The following ADGRB3 variants were observed in gnomAD, a reference collection of about 807,000 sequenced individuals.
ADGRB3 encodes brain-specific angiogenesis inhibitor 3.
ADGRB3 carries 37 observed loss-of-function variants against 193.4 expected under a neutral mutation model. The ratio of observed to expected loss-of-function variants is 0.19; its 90% CI spans 0.15 to 0.25. ADGRB3 has a LOEUF of 0.25. ADGRB3 is among the 10% of genes least tolerant of loss of function. The pLI, the probability that ADGRB3 is intolerant of heterozygous loss-of-function variation, is 1.00. For missense variants in ADGRB3, 1,637 were observed against 1,852.9 expected, an observed-to-expected ratio of 0.88 and a Z score of 2.14; for synonymous variants, 690 against 644.2, an observed-to-expected ratio of 1.07 and a Z score of -1.08.
intron 17 of ADGRB3, among the ~76,000 whole-genome samples, chr6:69,187,857 GGTCA>G (rs1561946442): frequency 1.3e-5 from 2 of 152,112 alleles, no homozygotes; most frequent in Non-Finnish European, 2.9e-5. Context: ...GGCATTGTCT[GGTCA>G]CCAAGTCCTG....
intron 10 of ADGRB3, among the ~76,000 whole-genome samples, chr6:68,988,095 C>G (rs981298222): frequency 3.9e-5 from 6 of 152,114 alleles, no homozygotes; most frequent in African/African-American, 1.4e-4. Context: ...TTCAATTCAG[C>G]AAGCCCTTTG....
intron 13 of ADGRB3, among the ~76,000 whole-genome samples, chr6:69,037,744 T>G (rs537005038): frequency 1.9e-4 from 29 of 152,228 alleles, no homozygotes; most frequent in African/African-American, 7.0e-4. Flanking sequence ...CCTCTAAAAG[T>G]GGGTCTTTCC....
intron 3 of ADGRB3, among the ~76,000 whole-genome samples, chr6:68,845,530 C>A (rs747849336): frequency 1.3e-5 from 2 of 152,120 alleles, no homozygotes; most frequent in African/African-American, 2.4e-5. Flanking sequence ...AGAATTCCCA[C>A]GTGTTGTGGG....
rs539398595 is a variant in ADGRB3, at chr6:68,816,168, C to A, written c.758-114391C>A. ...TAATTTCAAATTTAAAAATAAATTA[C>A]GTTTACTTTGAATAATTAATATAAG... is the stretch of plus-strand genomic sequence containing the variant. On this transcript the variant is annotated intron_variant, in intron 3 of 31. Transcript: ENST00000370598. Among the ~76,000 whole-genome samples the A allele has an allele frequency of 1.8e-4, 28 of 151,794 alleles. No homozygotes were observed. In the South Asian group the frequency reaches 2.5e-3, roughly 14 times the overall value.
intron 17 of ADGRB3, among the ~76,000 whole-genome samples, chr6:69,189,601 A>G (rs1301117389): frequency 6.6e-6 from 1 of 152,210 alleles, no homozygotes; most frequent in Non-Finnish European, 1.5e-5. Flanking sequence ...AATGCCATCT[A>G]GTTCAATATG....
intron 17 of ADGRB3, among the ~76,000 whole-genome samples, chr6:69,176,229 A>G (rs1317388816): frequency 6.6e-6 from 1 of 152,184 alleles, no homozygotes; most frequent in African/African-American, 2.4e-5. Context: ...CTCAAGAAGG[A>G]TGCTTCTACA....
At chr6:68,889,046 GTACT>G (rs1487983650) in intron 3 of ADGRB3, among the ~76,000 whole-genome samples, 1 of 152,174 alleles carries the variant, frequency 6.6e-6, no homozygotes, top group African/African-American at 2.4e-5. Context: ...ATGTTAGAAA[GTACT>G]TAAAGACAAA....
intron 3 of ADGRB3, among the ~76,000 whole-genome samples, chr6:68,851,251 CTCTT>C (rs1011308540): frequency 1.1e-4 from 16 of 151,930 alleles, no homozygotes; most frequent in African/African-American, 3.4e-4. Flanking sequence ...CTGTCTCTCT[CTCTT>C]TCTCTCTGTT....
rs1163789988 is a variant in ADGRB3, at chr6:68,661,520, CATATATATATGTGTATACATATAT to C, written c.757+22099_757+22122del. The stretch of plus-strand genomic sequence containing the variant: ...GTGTATACATATATATGTGTGTATA[CATATATATATGTGTATACATATAT>C]ATATATATATATATATATATATATA... On this transcript the variant is annotated intron_variant, in intron 3 of 31. Transcript: ENST00000370598. Among the ~76,000 whole-genome samples, 7 of 82,848 alleles carry C rather than the reference CATATATATATGTGTATACATATAT, an allele frequency of 8.4e-5. 1 individual carries two copies. Among genetic ancestry groups the C allele is most frequent in the East Asian group, 5.9e-4 (1 of 1,696 alleles). 54.4% of individuals were successfully genotyped at this position (82,848 alleles called of 152,430 possible). A position where few individuals can be genotyped will look rare whatever the true frequency, so the allele number is the denominator to read the frequency against.
chr6:69,282,190 A>G (rs560914904), intron 20 of ADGRB3, among the ~76,000 whole-genome samples: 2 of 152,268 alleles, frequency 1.3e-5, no homozygotes, highest in South Asian at 2.1e-4. Context: ...AATAAAATGA[A>G]TATCAGGATT....
intron 3 of ADGRB3, among the ~76,000 whole-genome samples, chr6:68,816,406 A>G (rs1037275823): frequency 6.6e-6 from 1 of 152,026 alleles, no homozygotes; most frequent in Non-Finnish European, 1.5e-5. Context: ...ATTTGTAATT[A>G]GCTCTACAGG....
At chr6:69,343,800 A>T (rs1769029645) in intron 26 of ADGRB3, among the ~76,000 whole-genome samples, 1 of 152,184 alleles carries the variant, frequency 6.6e-6, no homozygotes, top group Non-Finnish European at 1.5e-5. Context: ...CAGAACCTAA[A>T]TCTTAGAAGC....
At chr6:69,021,707 C>G (rs1028489855) in intron 13 of ADGRB3, among the ~76,000 whole-genome samples, 2 of 151,862 alleles carry the variant, frequency 1.3e-5, no homozygotes, top group Admixed American at 6.6e-5. Flanking sequence ...TTCCTAGAAT[C>G]TGATTAAAAT....
intron 20 of ADGRB3, among the ~76,000 whole-genome samples, chr6:69,244,602 GC>G: frequency 6.6e-6 from 1 of 152,146 alleles, no homozygotes. Flanking sequence ...GAAGCAGACT[GC>G]CCCCTGCCCC....
Position 68,975,868 on chromosome 6 carries a change from A to G in ADGRB3, c.1734+528A>G, listed in dbSNP as rs117927290. 5.4e-4 allele frequency among the ~76,000 whole-genome samples: 82 copies of G among 152,320 alleles called. 2 individuals carry two copies. In the East Asian group the frequency reaches 0.015, roughly 27 times the overall value. ...ACATGGGCCAAATTTTCCAAAAAAT[A>G]GCTCTTCTTTTCCCACATATCATTG... On this transcript the variant is annotated intron_variant, in intron 10 of 31. Transcript: ENST00000370598.
chr6:68,889,627 T>A (rs1766016651), intron 3 of ADGRB3, among the ~76,000 whole-genome samples: 1 of 151,916 alleles, frequency 6.6e-6, no homozygotes, highest in Non-Finnish European at 1.5e-5. Flanking sequence ...GTCAGCCTCC[T>A]GAGTACCTGG....
intron 3 of ADGRB3, among the ~76,000 whole-genome samples, chr6:68,756,321 T>G (rs1212681921): frequency 6.6e-6 from 1 of 152,182 alleles, no homozygotes; most frequent in Non-Finnish European, 1.5e-5. Flanking sequence ...CCCATGGGTA[T>G]GAGAGTTAAG....
intron 14 of ADGRB3, 109 bp from the exon 15 acceptor site, chr6:69,049,162 T>A (rs1771321851): frequency 1.3e-6 from 1 of 765,736 alleles, no homozygotes; most frequent in African/African-American, 1.8e-5. Context: ...CCAGGCTTTA[T>A]CTTTGCCTAA....
At position 69,256,371 on chromosome 6, in the gene ADGRB3, G is replaced by T. The variant is rs1461591973; in HGVS notation, c.2814+17145G>T. ...TCTTCCATTTGTTTGTATCCTCTTT[G>T]ATTTCCTTGAGCAGTGGTTTGTAGT... On this transcript the variant is annotated intron_variant, in intron 20 of 31. Transcript: ENST00000370598. Among the ~76,000 whole-genome samples the T allele has an allele frequency of 7.2e-5, 11 of 152,130 alleles. No homozygotes were observed. The Middle Eastern group carries it at 0.01, about 142-fold the overall frequency.
Sources: gnomAD v4.1 joint callset for allele counts (sites outside exome capture counted in the v4.1 genomes callset) on GRCh38, gnomAD v4.1.1 for gene constraint, MANE v1.5 for transcripts, NCBI Gene and HGNC (gene_info 2026-07-23, HGNC 2026-07-21) for gene names.